Variants in DCBLD1 observed in about 807,000 individuals in gnomAD.
DCBLD1 encodes discoidin, CUB and LCCL domain-containing protein 1.
In DCBLD1, 57 loss-of-function variants were observed where a neutral mutation model predicts 71.5. The observed-to-expected ratio is 0.80, with a 90% CI of 0.64 to 0.99. The LOEUF (loss-of-function observed/expected upper bound fraction) is 0.99, where lower values mean the gene tolerates loss of function less well. Ranked by LOEUF, DCBLD1 falls within the 50% of genes least tolerant of loss-of-function variation. The pLI is 0.00. For synonymous variants in DCBLD1, 380 were observed against 363.8 expected (o/e 1.04, Z -0.51); for missense variants, 891 against 923.5 (o/e 0.96, Z 0.46).
chr6:117,514,478 A>G (rs1390529229), intron 2 of DCBLD1, among the ~76,000 whole-genome samples: 2 of 151,900 alleles, frequency 1.3e-5, no homozygotes, highest in African/African-American at 4.8e-5. Context: ...ATGGTGGCAC[A>G]CACCTGTAAT....
At chr6:117,550,235 A>C (rs1047690947), downstream of DCBLD1, among the ~76,000 whole-genome samples, 4 of 152,086 alleles carry the variant, frequency 2.6e-5, no homozygotes, top group Non-Finnish European at 5.9e-5. Flanking sequence ...AATCATGACC[A>C]GTGGGAGAAC....
At chr6:117,565,394 A>C (rs778896270) in intron 14 of DCBLD1, among the ~76,000 whole-genome samples, 12 of 152,222 alleles carry the variant, frequency 7.9e-5, no homozygotes, top group Non-Finnish European at 1.3e-4. Context: ...TTATACAAAA[A>C]TTTGACAATG....
At chr6:117,498,081 T>TA (rs1452947915) in intron 1 of DCBLD1, among the ~76,000 whole-genome samples, 6 of 152,372 alleles carry the variant, frequency 3.9e-5, no homozygotes, top group African/African-American at 7.2e-5. Flanking sequence ...ATTTCTAATT[T>TA]AGATTGTTTC....
intron 7 of DCBLD1, 108 bp downstream of exon 7, chr6:117,537,333 G>A: frequency 1.0e-6 from 1 of 1,001,300 alleles, no homozygotes; most frequent in Admixed American, 1.9e-5. Context: ...AGGAGATCGA[G>A]ACCATCCTGG....
At chr6:117,534,705 A>C (rs1167516255) in intron 6 of DCBLD1, among the ~76,000 whole-genome samples, 1 of 151,626 alleles carries the variant, frequency 6.6e-6, no homozygotes, top group African/African-American at 2.4e-5. Flanking sequence ...TTCTCAGTTA[A>C]CTTCTGCTAC....
chr6:117,515,799 A>G lies in DCBLD1; in HGVS notation c.326-4017A>G, dbSNP rs73512248. Among the ~76,000 whole-genome samples the G allele has an allele frequency of 3.4e-3, 519 of 152,278 alleles. 4 individuals carry two copies. The highest frequency in any genetic ancestry group is 0.012 in the African/African-American group (492 of 41,544). On this transcript the variant is annotated intron_variant, in intron 2 of 14. Coordinates refer to ENST00000338728, the MANE Select transcript of DCBLD1 (RefSeq NM_001366458.2). Reference sequence around the variant, plus strand: ...ATTTAAAAGTGACACGATTAAAAATATTTTATGAATCTCTTAGTTGGATTT... The same window carrying G: ...ATTTAAAAGTGACACGATTAAAAATGTTTTATGAATCTCTTAGTTGGATTT...
intron 2 of DCBLD1, among the ~76,000 whole-genome samples, chr6:117,516,003 C>A (rs1413643808): frequency 6.6e-6 from 1 of 152,044 alleles, no homozygotes; most frequent in Non-Finnish European, 1.5e-5. Context: ...TTAATATATT[C>A]ATTTTTAACA....
intron 2 of DCBLD1, among the ~76,000 whole-genome samples, chr6:117,513,299 G>C (rs1389389975): frequency 6.6e-6 from 1 of 152,178 alleles, no homozygotes; most frequent in African/African-American, 2.4e-5. Flanking sequence ...GGAATGTGCT[G>C]AGAGGAACTG....
In DCBLD1 at chr6:117,519,957, C is replaced by T. The variant is rs368853188; in HGVS notation, c.460+7C>T. The T allele has an allele frequency of 1.3e-4, 213 of 1,613,198 alleles. 1 individual carries two copies. The African/African-American group carries it at 2.3e-3, about 17-fold the overall frequency. ...GCGAGCAGCGACCATCCAGGTATAA[C>T]GGAAGAATCAACACAAATCTCTAAA... is the stretch of plus-strand genomic sequence containing the variant. On this transcript the variant is annotated splice_region_variant and intron_variant, in intron 3 of 14. Coordinates refer to ENST00000338728, the MANE Select transcript of DCBLD1 (RefSeq NM_001366458.2).
At chr6:117,506,920 A>G (rs1461077167) in intron 2 of DCBLD1, among the ~76,000 whole-genome samples, 1 of 152,224 alleles carries the variant, frequency 6.6e-6, no homozygotes, top group Non-Finnish European at 1.5e-5. Context: ...GCTTCTAATG[A>G]TTCTGTGTGT....
chr6:117,547,879 C>G (rs1245888467), intron 14 of DCBLD1, 28 bp from the exon 15 acceptor site: 1 of 1,550,344 alleles, frequency 6.5e-7, no homozygotes, highest in East Asian at 2.4e-5. Flanking sequence ...GTGGTGCCCG[C>G]TAGCTGCCAT....
intron 14 of DCBLD1, among the ~76,000 whole-genome samples, chr6:117,556,078 G>A (rs1308720798): frequency 6.6e-6 from 1 of 152,130 alleles, no homozygotes; most frequent in Non-Finnish European, 1.5e-5. Context: ...TAATGCATCT[G>A]GAATCTGCTG....
chr6:117,503,289 A>C (rs1439210481), intron 1 of DCBLD1, among the ~76,000 whole-genome samples: 3 of 152,252 alleles, frequency 2.0e-5, no homozygotes, highest in Non-Finnish European at 2.9e-5. Context: ...AATGACTTGT[A>C]GCTAAACAAA....
chr6:117,519,459 A>T (rs1778312266), intron 2 of DCBLD1, among the ~76,000 whole-genome samples: 1 of 152,154 alleles, frequency 6.6e-6, no homozygotes, highest in African/African-American at 2.4e-5. Context: ...AGTTTATTTG[A>T]GCAAATTTAG....
At chr6:117,516,759 G>A (rs573896095) in intron 2 of DCBLD1, among the ~76,000 whole-genome samples, 39 of 152,304 alleles carry the variant, frequency 2.6e-4, no homozygotes, top group African/African-American at 8.7e-4. Flanking sequence ...CAAAAGGCAC[G>A]TCTCACCTGG....
chr6:117,525,327 A>G, intron 4 of DCBLD1, 35 bp from the exon 5 acceptor site: 1 of 1,400,142 alleles, frequency 7.1e-7, no homozygotes, highest in Non-Finnish European at 9.3e-7. Context: ...TGTGTAATTT[A>G]ATAAAATATA....
chr6:117,496,184 A>T lies in DCBLD1; in HGVS notation c.113-7583A>T, dbSNP rs556050318. 3.3e-5 allele frequency among the ~76,000 whole-genome samples: 5 copies of T among 152,178 alleles called. No homozygotes were observed. In the East Asian group the frequency reaches 9.6e-4, roughly 29 times the overall value. On this transcript the variant is annotated intron_variant, in intron 1 of 14. Coordinates refer to ENST00000338728, the MANE Select transcript of DCBLD1 (RefSeq NM_001366458.2). ...TATGTGGTGAGAATAAAGTTGAAAGAGATTGTCAGTTTTATAAAACATGGT... is the reference window on the plus strand; with the variant it reads ...TATGTGGTGAGAATAAAGTTGAAAGTGATTGTCAGTTTTATAAAACATGGT...
chr6:117,500,150 C>G (rs557428362), intron 1 of DCBLD1, among the ~76,000 whole-genome samples: 2 of 152,310 alleles, frequency 1.3e-5, no homozygotes, highest in African/African-American at 4.8e-5. Context: ...TCTACTTAAT[C>G]CTTTGAAATC....
rs750203107 is a variant in DCBLD1 at position 117,540,841 on chromosome 6, T to C, written c.1249+26T>C. The C allele has an allele frequency of 3.7e-6, 6 of 1,614,130 alleles. No homozygotes were observed. In the Admixed American group the frequency reaches 1.0e-4, roughly 27 times the overall value. ...GTAGGGCTCAGGGCAAGCCAGTGAG[T>C]TACTCAAGTTTGGTCATATTTTTTT... On this transcript the variant is annotated intron_variant, in intron 10 of 14. Coordinates refer to ENST00000338728, the MANE Select transcript of DCBLD1 (RefSeq NM_001366458.2).
Sources: allele counts gnomAD v4.1 joint callset (sites outside exome capture counted in the v4.1 genomes callset), GRCh38; gene constraint gnomAD v4.1.1; transcripts MANE v1.5; gene names NCBI Gene and HGNC (gene_info 2026-07-23, HGNC 2026-07-21).